Variants in SIK3 observed in about 807,000 individuals in gnomAD.
SIK3 encodes the protein SIK family kinase 3.
SIK3 carries 28 observed loss-of-function variants against 144.2 expected under a neutral mutation model. The ratio of observed to expected loss-of-function variants is 0.19; its 90% confidence interval spans 0.14 to 0.27. SIK3 has a LOEUF of 0.27. SIK3 is among the 10% of genes least tolerant of loss of function. The pLI is 1.00. For missense variants in SIK3, 1,319 were observed against 1,776.0 expected (o/e 0.74, Z 4.62); for synonymous variants, 686 against 676.3 (o/e 1.01, Z -0.22).
At chr11:117,044,228 T>C (rs1282339344) in intron 1 of SIK3, among the ~76,000 whole-genome samples, 1 of 152,240 alleles carries the variant, frequency 6.6e-6, no homozygotes, top group Non-Finnish European at 1.5e-5. Context: ...TTACTTACTT[T>C]TTAATTTTCA....
At chr11:116,902,458 T>C (rs893558683) in intron 4 of SIK3, among the ~76,000 whole-genome samples, 1 of 152,210 alleles carries the variant, frequency 6.6e-6, no homozygotes, top group African/African-American at 2.4e-5. Flanking sequence ...AGACTGCTAA[T>C]AGTTATAAGG....
chr11:116,934,858 T>C (rs1947823047), intron 3 of SIK3, among the ~76,000 whole-genome samples: 1 of 152,070 alleles, frequency 6.6e-6, no homozygotes, highest in Non-Finnish European at 1.5e-5. Context: ...GGTAGGTGGA[T>C]TACCTGAGGT....
intron 13 of SIK3, among the ~76,000 whole-genome samples, chr11:116,870,638 A>G (rs1487621565): frequency 6.6e-6 from 1 of 152,222 alleles, no homozygotes; most frequent in Admixed American, 6.5e-5. Flanking sequence ...TTATTAATCT[A>G]ACAAATAGCC....
At chr11:116,946,475 C>A (rs925096781) in intron 3 of SIK3, among the ~76,000 whole-genome samples, 2 of 152,132 alleles carry the variant, frequency 1.3e-5, no homozygotes, top group African/African-American at 2.4e-5. Context: ...CACACACAGT[C>A]GGGTCCATTA....
intron 1 of SIK3, among the ~76,000 whole-genome samples, chr11:116,995,454 G>A (rs1950633921): frequency 6.6e-6 from 1 of 151,844 alleles, no homozygotes; most frequent in Non-Finnish European, 1.5e-5. Context: ...GTAGAGACAA[G>A]GTTTCACTAT....
At chr11:116,987,787 T>C (rs1437344898) in intron 1 of SIK3, among the ~76,000 whole-genome samples, 1 of 152,180 alleles carries the variant, frequency 6.6e-6, no homozygotes, top group African/African-American at 2.4e-5. Flanking sequence ...TGACTGTATT[T>C]TTAAACTGAA....
At chr11:116,920,118 C>T (rs1946877799) in intron 4 of SIK3, among the ~76,000 whole-genome samples, 1 of 150,892 alleles carries the variant, frequency 6.6e-6, no homozygotes, top group Non-Finnish European at 1.5e-5. Flanking sequence ...CTCGGGGAGA[C>T]TCCTCTCCTT....
At chr11:116,972,764 C>A (rs1949807562) in intron 1 of SIK3, among the ~76,000 whole-genome samples, 1 of 152,016 alleles carries the variant, frequency 6.6e-6, no homozygotes, top group South Asian at 2.1e-4. Context: ...CAAACAGACC[C>A]CATGATGACT....
At chr11:116,958,164 G>A (rs868320214) in intron 1 of SIK3, among the ~76,000 whole-genome samples, 6 of 152,158 alleles carry the variant, frequency 3.9e-5, no homozygotes, top group African/African-American at 1.4e-4. Context: ...CTATGCACCA[G>A]AGAGGTAAAG....
intron 1 of SIK3, among the ~76,000 whole-genome samples, chr11:116,975,280 G>A (rs1433696556): frequency 7.3e-6 from 1 of 137,316 alleles, no homozygotes; most frequent in Non-Finnish European, 1.5e-5. Flanking sequence ...TCACAGGATA[G>A]TGCAACCATC....
intron 1 of SIK3, among the ~76,000 whole-genome samples, chr11:116,959,459 C>G (rs1285889196): frequency 6.6e-6 from 1 of 152,202 alleles, no homozygotes; most frequent in East Asian, 1.9e-4. Context: ...ACCTTAATAA[C>G]AGAGGGCATC....
At chr11:116,884,514 C>T (rs1944713035) in intron 6 of SIK3, among the ~76,000 whole-genome samples, 2 of 152,144 alleles carry the variant, frequency 1.3e-5, no homozygotes, top group South Asian at 4.1e-4. Flanking sequence ...TGCATGCCAC[C>T]ACGCCCAGCT....
chr11:117,059,059 G>C (rs1953682856), intron 1 of SIK3, among the ~76,000 whole-genome samples: 1 of 152,170 alleles, frequency 6.6e-6, no homozygotes, highest in South Asian at 2.1e-4. Context: ...AGTGAAATGA[G>C]AAAATAAACT....
At chr11:116,930,724 C>T (rs1947556362) in intron 3 of SIK3, among the ~76,000 whole-genome samples, 1 of 152,130 alleles carries the variant, frequency 6.6e-6, no homozygotes, top group African/African-American at 2.4e-5. Context: ...ATCCTCATCC[C>T]AATCATCCAC....
At chr11:116,922,905 CTCTTT>C (rs1447154911) in intron 4 of SIK3, among the ~76,000 whole-genome samples, 6,085 of 118,062 alleles carry the variant, frequency 0.052, 273 homozygotes, top group African/African-American at 0.093. Flanking sequence ...CTTTTCTTTT[CTCTTT>C]TTTTTTTTTT....
intron 1 of SIK3, among the ~76,000 whole-genome samples, chr11:117,094,429 AC>A (rs11297869): frequency 0.31 from 47,506 of 151,614 alleles, 9,673 homozygotes; most frequent in African/African-American, 0.59. Context: ...ACATAATGAG[AC>A]CCCCATCTCT....
intron 1 of SIK3, among the ~76,000 whole-genome samples, chr11:117,079,346 G>A (rs1954685190): frequency 6.6e-6 from 1 of 152,100 alleles, no homozygotes. Context: ...AAATCAAGAA[G>A]GAAAAGAGCA....
chr11:116,928,626 G>A (rs1947417868), intron 3 of SIK3, among the ~76,000 whole-genome samples: 1 of 152,176 alleles, frequency 6.6e-6, no homozygotes. Flanking sequence ...TGCCAAGACT[G>A]AGCGCTTGTG....
At chr11:117,050,307 A>ACAC (rs1414995306) in intron 1 of SIK3, among the ~76,000 whole-genome samples, 1 of 148,488 alleles carries the variant, frequency 6.7e-6, no homozygotes, top group Non-Finnish European at 1.5e-5. Context: ...CACACACACA[A>ACAC]AAAGATATCA....
Sources: gnomAD v4.1 joint callset for allele counts (sites outside exome capture counted in the v4.1 genomes callset) on GRCh38, gnomAD v4.1.1 for gene constraint, MANE v1.5 for transcripts, NCBI Gene and HGNC (gene_info 2026-07-23, HGNC 2026-07-21) for gene names.